Variants in PBX3 observed in about 807,000 individuals in gnomAD.
PBX3 encodes the protein PBX homeobox 3.
A neutral mutation model predicts 48.5 loss-of-function variants in PBX3; 14 were observed. The ratio of observed to expected loss-of-function variants is 0.29; its 90% CI spans 0.19 to 0.45. The LOEUF is 0.45. Ranked by LOEUF, PBX3 falls within the 20% of genes least tolerant of loss-of-function variation. The pLI, the probability that PBX3 is intolerant of heterozygous loss-of-function variation, is 1.00. For missense variants in PBX3, 386 were observed against 546.7 expected (o/e 0.71, Z 2.93); for synonymous variants, 210 against 200.3 (o/e 1.05, Z -0.41).
chr9:125,809,959 G>A (rs370342281), intron 2 of PBX3, among the ~76,000 whole-genome samples: 2 of 152,306 alleles, frequency 1.3e-5, no homozygotes, highest in African/African-American at 4.8e-5. Context: ...TGTAATGCTT[G>A]TTTTGAAAAT....
At chr9:125,916,634 A>G (rs953479893) in intron 3 of PBX3, among the ~76,000 whole-genome samples, 1 of 152,246 alleles carries the variant, frequency 6.6e-6, no homozygotes, top group Non-Finnish European at 1.5e-5. Context: ...TAGTTTAACT[A>G]TAAAATATTA....
At chr9:125,819,451 G>C (rs1364540484) in intron 2 of PBX3, among the ~76,000 whole-genome samples, 1 of 151,922 alleles carries the variant, frequency 6.6e-6, no homozygotes, top group Non-Finnish European at 1.5e-5. Flanking sequence ...CTTGAACCCG[G>C]GAGGCGGAGG....
chr9:125,867,375 C>T (rs1840007234), intron 2 of PBX3, among the ~76,000 whole-genome samples: 1 of 152,006 alleles, frequency 6.6e-6, no homozygotes, highest in African/African-American at 2.4e-5. Context: ...GGTGTGGTGG[C>T]CCACACCTGT....
chr9:125,821,620 A>G (rs10819079), intron 2 of PBX3, among the ~76,000 whole-genome samples: 96,926 of 151,946 alleles, frequency 0.64, 31,385 homozygotes, highest in East Asian at 0.76. Context: ...AGATGCTACT[A>G]TTTCTTACCG....
intron 2 of PBX3, among the ~76,000 whole-genome samples, chr9:125,867,045 G>T (rs1839998808): frequency 6.6e-6 from 1 of 152,098 alleles, no homozygotes; most frequent in South Asian, 2.1e-4. Flanking sequence ...TGTGACATCT[G>T]TTAGTAGGGA....
intron 2 of PBX3, among the ~76,000 whole-genome samples, chr9:125,884,466 A>G (rs1840452330): frequency 6.6e-6 from 1 of 152,236 alleles, no homozygotes; most frequent in African/African-American, 2.4e-5. Context: ...CCAGGTTTGC[A>G]ATTATGAAGC....
At chr9:125,780,194 A>T (rs1337252976) in intron 2 of PBX3, among the ~76,000 whole-genome samples, 1 of 122,498 alleles carries the variant, frequency 8.2e-6, no homozygotes, top group Non-Finnish European at 1.7e-5. Context: ...CGAGGTGCTG[A>T]TCCCCCCACC....
intron 2 of PBX3, among the ~76,000 whole-genome samples, chr9:125,906,928 G>T (rs887947391): frequency 6.6e-6 from 1 of 152,002 alleles, no homozygotes; most frequent in African/African-American, 2.4e-5. Flanking sequence ...GAGTACATTT[G>T]CAGGAAGAAG....
At chr9:125,769,005 A>C (rs1001771149) in intron 2 of PBX3, among the ~76,000 whole-genome samples, 2 of 152,184 alleles carry the variant, frequency 1.3e-5, no homozygotes, top group African/African-American at 2.4e-5. Context: ...CTTGCAACTC[A>C]CAGTTATGCA....
At chr9:125,866,355 TG>T (rs879814530) in intron 2 of PBX3, among the ~76,000 whole-genome samples, 4 of 152,344 alleles carry the variant, frequency 2.6e-5, no homozygotes, top group Non-Finnish European at 5.9e-5. Context: ...TATACTTTTA[TG>T]GGGGGTTAGT....
intron 2 of PBX3, among the ~76,000 whole-genome samples, chr9:125,807,228 G>A (rs1281053155): frequency 6.6e-6 from 1 of 152,142 alleles, no homozygotes; most frequent in Non-Finnish European, 1.5e-5. Context: ...AAAGGCTGAG[G>A]CAGGAGAATC....
chr9:125,947,779 T>C (rs1023337634), intron 5 of PBX3, among the ~76,000 whole-genome samples: 3 of 152,070 alleles, frequency 2.0e-5, no homozygotes, highest in Non-Finnish European at 4.4e-5. Context: ...AAGAGACATA[T>C]GTAAAATATA....
intron 2 of PBX3, among the ~76,000 whole-genome samples, chr9:125,880,215 T>C (rs1409087158): frequency 6.6e-6 from 1 of 152,170 alleles, no homozygotes; most frequent in African/African-American, 2.4e-5. Context: ...CAACTAATTT[T>C]TGTATTTTCA....
At chr9:125,829,604 T>G (rs1194921382) in intron 2 of PBX3, among the ~76,000 whole-genome samples, 1 of 152,170 alleles carries the variant, frequency 6.6e-6, no homozygotes, top group Non-Finnish European at 1.5e-5. Context: ...TTTTAATATT[T>G]CCTCCATTCA....
chr9:125,806,934 G>C (rs1325894082), intron 2 of PBX3, among the ~76,000 whole-genome samples: 1 of 152,218 alleles, frequency 6.6e-6, no homozygotes, highest in African/African-American at 2.4e-5. Flanking sequence ...AATTTGAGAG[G>C]AGAAGATATA....
intron 2 of PBX3, among the ~76,000 whole-genome samples, chr9:125,864,203 G>C (rs1405842830): frequency 2.0e-5 from 3 of 152,276 alleles, no homozygotes; most frequent in East Asian, 3.9e-4. Flanking sequence ...TTTGTGACTT[G>C]GAACCATTAA....
chr9:125,805,897 G>A (rs1455058041), intron 2 of PBX3, among the ~76,000 whole-genome samples: 1 of 152,162 alleles, frequency 6.6e-6, no homozygotes, highest in Non-Finnish European at 1.5e-5. Flanking sequence ...ATACCCATAG[G>A]AATGAAGGAA....
At chr9:125,897,141 G>GTTTTTTTTTT (rs371641194) in intron 2 of PBX3, among the ~76,000 whole-genome samples, 2 of 108,930 alleles carry the variant, frequency 1.8e-5, no homozygotes, top group Non-Finnish European at 3.6e-5. Flanking sequence ...TTCATTTGTG[G>GTTTTTTTTTT]TTTTTTTTTT....
At chr9:125,884,958 C>T (rs914118481) in intron 2 of PBX3, among the ~76,000 whole-genome samples, 1 of 152,118 alleles carries the variant, frequency 6.6e-6, no homozygotes, top group African/African-American at 2.4e-5. Flanking sequence ...TGAGAAATAT[C>T]TTCATTTGCC....
Sources: allele counts gnomAD v4.1 joint callset (sites outside exome capture counted in the v4.1 genomes callset), GRCh38; gene constraint gnomAD v4.1.1; transcripts MANE v1.5; gene names NCBI Gene and HGNC (gene_info 2026-07-23, HGNC 2026-07-21).